TDRD3: variants seen among roughly 807,000 people sequenced by gnomAD.
TDRD3 encodes tudor domain containing 3.
A neutral mutation model predicts 86.7 loss-of-function variants in TDRD3; 45 were observed. The ratio of observed to expected loss-of-function variants is 0.52; its 90% CI spans 0.41 to 0.67. The LOEUF is 0.67. Ranked by LOEUF, TDRD3 falls within the 30% of genes least tolerant of loss-of-function variation. TDRD3 has a pLI of 0.00. For synonymous variants in TDRD3, 298 were observed against 301.7 expected, an observed-to-expected ratio of 0.99 and a Z score of 0.13; for missense variants, 814 against 889.0, an observed-to-expected ratio of 0.92 and a Z score of 1.07.
At chr13:60,448,896 A>G (rs867475222) in intron 3 of TDRD3, among the ~76,000 whole-genome samples, 2 of 152,202 alleles carry the variant, frequency 1.3e-5, no homozygotes, top group Non-Finnish European at 2.9e-5. Flanking sequence ...ATACTTTCTT[A>G]TCAATTCAGC....
At chr13:60,535,074 G>C in intron 11 of TDRD3, 34 bp from the exon 12 acceptor site, 1 of 1,610,368 alleles carries the variant, frequency 6.2e-7, no homozygotes. Flanking sequence ...GACAATACCA[G>C]TTGTCATATT....
chr13:60,563,903 A>T (rs1256445847), intron 12 of TDRD3, among the ~76,000 whole-genome samples: 1 of 152,242 alleles, frequency 6.6e-6, no homozygotes, highest in Non-Finnish European at 1.5e-5. Context: ...TGAAGATGAT[A>T]TGCAGGAAAA....
rs1594882204 is a variant in TDRD3, at chr13:60,397,348, C to G, written c.-17C>G. On this transcript the variant is annotated 5_prime_UTR_variant, in exon 1 of 14. Coordinates refer to ENST00000377881, the MANE Select transcript of TDRD3 (RefSeq NM_001146070.2). Reference sequence around the variant, plus strand: ...CCCCACCCCAGCCCCCCACCACCCCCGGCCTAAGCAGCTACCATGGCCCAG... The same window carrying G: ...CCCCACCCCAGCCCCCCACCACCCCGGGCCTAAGCAGCTACCATGGCCCAG... 1.4e-6 allele frequency: 2 copies of G among 1,478,758 alleles called. No individual in the cohort carries two copies. Among genetic ancestry groups the G allele is most frequent in the Non-Finnish European group, 9.0e-7 (1 of 1,111,818 alleles). 91.6% of individuals were successfully genotyped at this position (1,478,758 alleles called of 1,614,324 possible).
intron 12 of TDRD3, chr13:60,547,221 C>G (rs955748021): frequency 2.0e-6 from 2 of 984,976 alleles, no homozygotes; most frequent in Non-Finnish European, 1.2e-6. Flanking sequence ...TTGTTCACCA[C>G]TTTTGCCATT....
At chr13:60,415,415 G>T (rs547203119) in intron 1 of TDRD3, among the ~76,000 whole-genome samples, 2 of 151,560 alleles carry the variant, frequency 1.3e-5, no homozygotes, top group South Asian at 4.2e-4. Context: ...GAATCTTTAC[G>T]CTTCAGCCAA....
intron 1 of TDRD3, among the ~76,000 whole-genome samples, chr13:60,406,014 A>G (rs909619497): frequency 1.4e-4 from 21 of 152,232 alleles, no homozygotes; most frequent in Admixed American, 9.2e-4. Flanking sequence ...CCTCAAATCA[A>G]TTACAATTCA....
intron 13 of TDRD3, among the ~76,000 whole-genome samples, chr13:60,570,638 G>A (rs1183909000): frequency 6.6e-6 from 1 of 152,182 alleles, no homozygotes; most frequent in Non-Finnish European, 1.5e-5. Flanking sequence ...TGTGGCCAAA[G>A]ATTGTCAATG....
intron 10 of TDRD3, among the ~76,000 whole-genome samples, chr13:60,517,961 A>G (rs1301966088): frequency 1.3e-5 from 2 of 152,220 alleles, no homozygotes; most frequent in Non-Finnish European, 2.9e-5. Context: ...ACCTGCAGCT[A>G]AAACAAAAAC....
chr13:60,451,240 G>T (rs1037566396), intron 3 of TDRD3, among the ~76,000 whole-genome samples: 1 of 152,176 alleles, frequency 6.6e-6, no homozygotes, highest in Non-Finnish European at 1.5e-5. Flanking sequence ...GTCAGGTGTA[G>T]CTGCCTTGGA....
chr13:60,455,975 A>G (rs1244898779), intron 3 of TDRD3, among the ~76,000 whole-genome samples: 2 of 150,802 alleles, frequency 1.3e-5, no homozygotes, highest in Non-Finnish European at 3.0e-5. Flanking sequence ...GAGGCTGAGG[A>G]AGGAGAATCA....
At chr13:60,551,409 T>C (rs1958049851) in intron 12 of TDRD3, among the ~76,000 whole-genome samples, 1 of 152,248 alleles carries the variant, frequency 6.6e-6, no homozygotes, top group Admixed American at 6.5e-5. Flanking sequence ...GTTCCATTTC[T>C]CTTGTTTTCC....
At chr13:60,432,886 T>C (rs1244497498) in intron 1 of TDRD3, among the ~76,000 whole-genome samples, 2 of 152,132 alleles carry the variant, frequency 1.3e-5, no homozygotes, top group Admixed American at 6.6e-5. Context: ...TTGGATATCA[T>C]GTGCGGGGGC....
intron 5 of TDRD3, among the ~76,000 whole-genome samples, chr13:60,473,504 A>G (rs1365531797): frequency 6.6e-6 from 1 of 152,254 alleles, no homozygotes; most frequent in Non-Finnish European, 1.5e-5. Flanking sequence ...GACCGAGGGC[A>G]CAAACTGTTC....
intron 12 of TDRD3, chr13:60,536,503 TTC>T (rs759245072): frequency 7.9e-5 from 12 of 152,172 alleles, no homozygotes; most frequent in Non-Finnish European, 1.8e-4. Context: ...GCTATTTTCA[TTC>T]TCTCTTTTCC....
At chr13:60,530,017 G>A (rs1957542458) in intron 11 of TDRD3, among the ~76,000 whole-genome samples, 1 of 152,054 alleles carries the variant, frequency 6.6e-6, no homozygotes, top group African/African-American at 2.4e-5. Flanking sequence ...CATCCTTGAG[G>A]GCTTGGCTCA....
intron 1 of TDRD3, among the ~76,000 whole-genome samples, chr13:60,413,434 C>T (rs954634689): frequency 2.6e-5 from 4 of 152,126 alleles, no homozygotes; most frequent in African/African-American, 7.2e-5. Flanking sequence ...TTAGCTATAA[C>T]CTTGGGCACA....
At chr13:60,459,489 T>C (rs1421541468) in intron 3 of TDRD3, among the ~76,000 whole-genome samples, 1 of 152,242 alleles carries the variant, frequency 6.6e-6, no homozygotes, top group Non-Finnish European at 1.5e-5. Flanking sequence ...GTTTTTATTT[T>C]AAAAAGGAAA....
intron 1 of TDRD3, among the ~76,000 whole-genome samples, chr13:60,399,337 TTA>T (rs898180372): frequency 5.6e-4 from 85 of 152,348 alleles, no homozygotes; most frequent in African/African-American, 1.9e-3. Context: ...ACTTAACTGT[TTA>T]TGTTTCTCCC....
chr13:60,396,628 TTCCCCATG>T (rs1326364446), upstream of TDRD3: 2 of 154,288 alleles, frequency 1.3e-5, no homozygotes, highest in South Asian at 2.1e-4. Flanking sequence ...ACTGCCCCAT[TTCCCCATG>T]TCCCCTAAAA....
Sources: gnomAD v4.1 joint callset for allele counts (sites outside exome capture counted in the v4.1 genomes callset) on GRCh38, gnomAD v4.1.1 for gene constraint, MANE v1.5 for transcripts, NCBI Gene and HGNC (gene_info 2026-07-23, HGNC 2026-07-21) for gene names.